SHISA9: variants seen among roughly 807,000 people sequenced by gnomAD.
SHISA9 encodes protein shisa-9.
Under a neutral mutation model 38.0 loss-of-function variants are expected in SHISA9, and 13 were observed. The ratio of observed to expected loss-of-function variants is 0.34; its 90% confidence interval spans 0.22 to 0.54. The LOEUF is 0.54. SHISA9 is among the 20% of genes least tolerant of loss of function. SHISA9 has a pLI of 0.91. For synonymous variants in SHISA9, 275 were observed against 242.0 expected, an observed-to-expected ratio of 1.14 and a Z score of -1.27; for missense variants, 538 against 575.8, an observed-to-expected ratio of 0.93 and a Z score of 0.67.
At chr16:13,015,906 C>CT (rs771202329) in intron 2 of SHISA9, among the ~76,000 whole-genome samples, 89 of 55,492 alleles carry the variant, frequency 1.6e-3, no homozygotes, top group Non-Finnish European at 3.0e-3. Context: ...TTCTTTCTTT[C>CT]TTTTCTTTCT....
chr16:13,295,583 T>A, the SHISA9 span, among the ~76,000 whole-genome samples: 1 of 152,160 alleles, frequency 6.6e-6, no homozygotes, highest in Admixed American at 6.5e-5. Context: ...GAGCCTTGGT[T>A]TGCATATCAG....
the SHISA9 span, among the ~76,000 whole-genome samples, chr16:13,270,351 C>CACCT: frequency 6.6e-6 from 1 of 152,126 alleles, no homozygotes; most frequent in African/African-American, 2.4e-5. Context: ...CTCTCCTGGG[C>CACCT]ACCTCCACTG....
At chr16:13,159,420 A>G (rs1278419243) in intron 2 of SHISA9, among the ~76,000 whole-genome samples, 1 of 152,180 alleles carries the variant, frequency 6.6e-6, no homozygotes, top group Non-Finnish European at 1.5e-5. Context: ...CCAGTGGCTC[A>G]CAGATGCTCC....
the SHISA9 span, among the ~76,000 whole-genome samples, chr16:13,252,906 T>A: frequency 2.6e-5 from 4 of 152,092 alleles, no homozygotes; most frequent in African/African-American, 9.7e-5. Flanking sequence ...ACTGTGTAGG[T>A]CCATTTATAC....
At chr16:13,196,004 C>G (rs2050934874) in intron 2 of SHISA9, among the ~76,000 whole-genome samples, 1 of 141,188 alleles carries the variant, frequency 7.1e-6, no homozygotes, top group East Asian at 2.2e-4. Flanking sequence ...AGGAGAATCG[C>G]TTGAACCCGG....
the SHISA9 span, among the ~76,000 whole-genome samples, chr16:13,266,277 A>C: frequency 6.6e-6 from 1 of 152,174 alleles, no homozygotes; most frequent in Non-Finnish European, 1.5e-5. Flanking sequence ...CTAAATATGC[A>C]TGCATTATTA....
rs547504510 is a variant in SHISA9 at position 13,126,976 on chromosome 16, GGAGA to G, written c.692-76408_692-76405del. Among the ~76,000 whole-genome samples the G allele has an allele frequency of 8.6e-3, 1,205 of 139,702 alleles. 11 individuals carry two copies. Among genetic ancestry groups the G allele is most frequent in the Non-Finnish European group, 0.013 (864 of 64,400 alleles). 91.6% of individuals were successfully genotyped at this position (139,702 alleles called of 152,430 possible). A position where few individuals can be genotyped will look rare whatever the true frequency, so the allele number is the denominator to read the frequency against. The stretch of plus-strand genomic sequence containing the variant: ...GAAGGAAAGAGAGAGAATGAGAGAA[GGAGA>G]GAGAGAGAGGGAGAGAAGGAAAAAG... On this transcript the variant is annotated intron_variant, in intron 2 of 4. Coordinates refer to ENST00000558583, the MANE Select transcript of SHISA9 (RefSeq NM_001145204.3).
chr16:13,226,174 C>G (rs890443461), intron 4 of SHISA9, among the ~76,000 whole-genome samples: 2 of 152,226 alleles, frequency 1.3e-5, no homozygotes, highest in African/African-American at 4.8e-5. Context: ...TTTCCCCTCA[C>G]CTGGCTCCAA....
chr16:13,549,147 T>A, the SHISA9 span, among the ~76,000 whole-genome samples: 1 of 152,264 alleles, frequency 6.6e-6, no homozygotes, highest in East Asian at 1.9e-4. Flanking sequence ...CTCTCTCATG[T>A]GTAGAATGTT....
the SHISA9 span, among the ~76,000 whole-genome samples, chr16:13,555,457 T>C: frequency 6.6e-6 from 1 of 152,214 alleles, no homozygotes; most frequent in African/African-American, 2.4e-5. Context: ...AGTTCCTTTA[T>C]ATACCAGGAA....
chr16:13,391,074 G>C, the SHISA9 span, among the ~76,000 whole-genome samples: 3 of 152,160 alleles, frequency 2.0e-5, no homozygotes, highest in Admixed American at 6.5e-5. Context: ...ATTAAAGAGA[G>C]GGTAGAAAAG....
chr16:13,107,433 A>G (rs1053489520), intron 2 of SHISA9, among the ~76,000 whole-genome samples: 2 of 148,336 alleles, frequency 1.3e-5, no homozygotes, highest in African/African-American at 5.0e-5. Flanking sequence ...ACTCGGTCTG[A>G]AAACAAAAAC....
At chr16:13,482,819 A>AAAG in the SHISA9 span, among the ~76,000 whole-genome samples, 2 of 142,400 alleles carry the variant, frequency 1.4e-5, no homozygotes, top group East Asian at 4.1e-4. Context: ...AAAAAAAAAG[A>AAAG]GAGAGAGAGA....
At chr16:13,367,680 G>T in the SHISA9 span, among the ~76,000 whole-genome samples, 1 of 143,152 alleles carries the variant, frequency 7.0e-6, no homozygotes, top group African/African-American at 2.6e-5. Context: ...GTTTCCTGAA[G>T]TGTACACGCG....
intron 2 of SHISA9, among the ~76,000 whole-genome samples, chr16:13,066,335 A>G (rs2073434606): frequency 6.6e-6 from 1 of 152,196 alleles, no homozygotes; most frequent in East Asian, 1.9e-4. Flanking sequence ...GACTGATACA[A>G]TAGCATCTTT....
chr16:13,367,056 C>T, the SHISA9 span, among the ~76,000 whole-genome samples: 62 of 151,604 alleles, frequency 4.1e-4, no homozygotes, highest in African/African-American at 1.4e-3. Context: ...CAATTCCTGC[C>T]CTTCCTCAAA....
chr16:13,532,491 A>AG, the SHISA9 span, among the ~76,000 whole-genome samples: 1 of 152,070 alleles, frequency 6.6e-6, no homozygotes, highest in East Asian at 1.9e-4. Context: ...GGCCGTGGGC[A>AG]GGTTGATCTC....
the SHISA9 span, among the ~76,000 whole-genome samples, chr16:13,297,568 G>A: frequency 6.6e-6 from 1 of 152,064 alleles, no homozygotes; most frequent in Non-Finnish European, 1.5e-5. Context: ...TTAGGAGAAG[G>A]GATTCCCAGC....
chr16:12,958,020 A>G (rs1225864548), intron 2 of SHISA9, among the ~76,000 whole-genome samples: 3 of 152,206 alleles, frequency 2.0e-5, no homozygotes, highest in African/African-American at 7.2e-5. Context: ...TCAATATATG[A>G]ATTTGGTGGT....
Sources: gnomAD v4.1 joint callset for allele counts (sites outside exome capture counted in the v4.1 genomes callset) on GRCh38, gnomAD v4.1.1 for gene constraint, MANE v1.5 for transcripts, NCBI Gene and HGNC (gene_info 2026-07-23, HGNC 2026-07-21) for gene names.